Variants in CHN1 observed in about 807,000 individuals in gnomAD.
CHN1 encodes N-chimaerin.
In CHN1, 37 loss-of-function variants were observed where a neutral mutation model predicts 59.5. The observed-to-expected ratio is 0.62, with a 90% confidence interval of 0.48 to 0.82. The LOEUF (loss-of-function observed/expected upper bound fraction) is 0.82, where lower values mean the gene tolerates loss of function less well. Ranked by LOEUF, CHN1 falls within the 40% of genes least tolerant of loss-of-function variation. The pLI, the probability that CHN1 is intolerant of heterozygous loss-of-function variation, is 0.00. For synonymous variants in CHN1, 206 were observed against 200.4 expected, an observed-to-expected ratio of 1.03 and a Z score of -0.24; for missense variants, 469 against 571.0, an observed-to-expected ratio of 0.82 and a Z score of 1.82.
At chr2:174,891,967 G>C (rs1036907845) in intron 5 of CHN1, among the ~76,000 whole-genome samples, 1 of 152,134 alleles carries the variant, frequency 6.6e-6, no homozygotes, top group Non-Finnish European at 1.5e-5. Flanking sequence ...AAATTACTAT[G>C]AATAATTATA....
intron 5 of CHN1, among the ~76,000 whole-genome samples, chr2:174,896,000 C>G (rs1429183383): frequency 6.6e-6 from 1 of 152,032 alleles, no homozygotes; most frequent in Non-Finnish European, 1.5e-5. Flanking sequence ...TATACTGACT[C>G]TAAATCCACA....
intron 2 of CHN1, among the ~76,000 whole-genome samples, chr2:174,945,931 G>GTATATA (rs869242436): frequency 6.7e-6 from 1 of 149,104 alleles, no homozygotes; most frequent in African/African-American, 2.5e-5. Context: ...GTGTGTGTGT[G>GTATATA]TATATATATA....
chr2:174,800,013 C>T lies in CHN1; in HGVS notation c.*103G>A. ...CCTTCACTTTAATCTGGTTATATGC[C>T]CAAACCTCTAATCAAGAAATAATGC... On this transcript the variant is annotated 3_prime_UTR_variant, in exon 13 of 13. Coordinates refer to ENST00000409900, the MANE Select transcript of CHN1 (RefSeq NM_001822.7). 8.8e-7 allele frequency: 1 copy of T among 1,131,484 alleles called. No homozygotes were observed. 70.1% of individuals were successfully genotyped at this position (1,131,484 alleles called of 1,614,324 possible). A position where few individuals can be genotyped will look rare whatever the true frequency, so the allele number is the denominator to read the frequency against.
intron 7 of CHN1, among the ~76,000 whole-genome samples, chr2:174,830,584 T>C (rs973893282): frequency 7.2e-5 from 11 of 152,228 alleles, no homozygotes; most frequent in African/African-American, 2.4e-4. Flanking sequence ...CCTAGTCTTC[T>C]TGTCCTGATC....
chr2:174,970,715 C>T (rs376739697), intron 1 of CHN1, among the ~76,000 whole-genome samples: 5 of 152,106 alleles, frequency 3.3e-5, no homozygotes, highest in East Asian at 1.9e-4. Flanking sequence ...TCATAATGTA[C>T]GAGAGTAAAA....
chr2:174,895,213 TACACACACAC>T (rs374437666), intron 5 of CHN1, among the ~76,000 whole-genome samples: 6 of 142,470 alleles, frequency 4.2e-5, no homozygotes, highest in South Asian at 2.3e-4. Context: ...TATATATATA[TACACACACAC>T]ACACACACAC....
In CHN1 at chr2:174,869,759, G is replaced by A. The variant is rs111736243; in HGVS notation, c.549+8081C>T. ...ATAAATAAAAACAGAACTTTCTCAA[G>A]GGATGAGGACTACAGCTTTTTTCTC... On this transcript the variant is annotated intron_variant, in intron 6 of 12. Transcript: ENST00000409900. Among the ~76,000 whole-genome samples the A allele has an allele frequency of 3.6e-3, 547 of 152,262 alleles. 2 individuals are homozygous for A. Among genetic ancestry groups the A allele is most frequent in the African/African-American group, 0.012 (518 of 41,548 alleles).
In CHN1 at chr2:174,822,952, GTGATA is replaced by G. The variant is rs550894870; in HGVS notation, c.712+1477_712+1481del. ...CCTGTGGCAGGAAGGTCCTTGAATGGTGATATATGCCTGGAACCTTATTACATTTT... is the reference window on the plus strand; with the variant it reads ...CCTGTGGCAGGAAGGTCCTTGAATGGTATGCCTGGAACCTTATTACATTTT... On this transcript the variant is annotated intron_variant, in intron 8 of 12. Transcript: ENST00000409900. 1.2e-3 allele frequency among the ~76,000 whole-genome samples: 181 copies of G among 152,344 alleles called. 1 individual carries two copies. Among genetic ancestry groups the G allele is most frequent in the African/African-American group, 4.1e-3 (170 of 41,580 alleles).
chr2:174,908,197 A>G (rs1012081848), intron 5 of CHN1, among the ~76,000 whole-genome samples: 4 of 152,208 alleles, frequency 2.6e-5, no homozygotes, highest in African/African-American at 9.6e-5. Context: ...GGAGTTGCCA[A>G]ATTTGGAGTT....
At chr2:174,981,336 A>AT (rs1187559091) in intron 1 of CHN1, among the ~76,000 whole-genome samples, 1 of 152,234 alleles carries the variant, frequency 6.6e-6, no homozygotes, top group Non-Finnish European at 1.5e-5. Flanking sequence ...AGTTGTCAGC[A>AT]TTAAGGCCAC....
intron 4 of CHN1, 83 bp downstream of exon 4, chr2:174,918,451 T>C: frequency 9.7e-7 from 1 of 1,032,136 alleles, no homozygotes; most frequent in East Asian, 3.0e-5. Context: ...TACTTCATCT[T>C]GCTTTCATTT....
chr2:174,817,897 A>G lies in CHN1; in HGVS notation c.713-5415T>C, dbSNP rs184927110. The stretch of plus-strand genomic sequence containing the variant: ...CGTGATCCTCCCGCCTTGGCCTCCC[A>G]AAGTGCTGGGATTACAGGCATGAGC... On this transcript the variant is annotated intron_variant, in intron 8 of 12. Coordinates refer to ENST00000409900, the MANE Select transcript of CHN1 (RefSeq NM_001822.7). 5.3e-3 allele frequency among the ~76,000 whole-genome samples: 810 copies of G among 152,246 alleles called. 7 individuals carry two copies. Among genetic ancestry groups the G allele is most frequent in the African/African-American group, 0.019 (773 of 41,542 alleles).
At chr2:174,972,352 C>T (rs992756080) in intron 1 of CHN1, among the ~76,000 whole-genome samples, 2 of 152,282 alleles carry the variant, frequency 1.3e-5, no homozygotes, top group African/African-American at 4.8e-5. Flanking sequence ...ACAAGACAGG[C>T]ACTTACTGTC....
intron 6 of CHN1, 25 bp downstream of exon 6, chr2:174,877,815 A>C (rs111796375): frequency 4.4e-6 from 7 of 1,591,854 alleles, no homozygotes; most frequent in Middle Eastern, 3.4e-4. Context: ...AGAAAAAGAT[A>C]AAGTGTGGTT....
chr2:174,926,914 C>T (rs532784382), intron 3 of CHN1, among the ~76,000 whole-genome samples: 3 of 152,016 alleles, frequency 2.0e-5, no homozygotes, highest in Admixed American at 6.6e-5. Flanking sequence ...CCCGCCACCA[C>T]GCCCAGCTAA....
At chr2:174,929,134 GCTTGTTTTCC>G (rs1689257514) in intron 3 of CHN1, among the ~76,000 whole-genome samples, 1 of 152,194 alleles carries the variant, frequency 6.6e-6, no homozygotes, top group Non-Finnish European at 1.5e-5. Context: ...TAGAAATGCA[GCTTGTTTTCC>G]ATTGTTTTAC....
intron 7 of CHN1, among the ~76,000 whole-genome samples, chr2:174,840,137 C>CCAGTGT (rs1468093776): frequency 6.7e-6 from 1 of 149,020 alleles, no homozygotes; most frequent in Non-Finnish European, 1.5e-5. Context: ...AGGTATTTTG[C>CCAGTGT]CAGTGTTTAT....
At chr2:174,956,414 G>A (rs576097140) in intron 1 of CHN1, among the ~76,000 whole-genome samples, 1 of 152,270 alleles carries the variant, frequency 6.6e-6, no homozygotes, top group South Asian at 2.1e-4. Context: ...AAGAGCATCA[G>A]AGAAGGAATA....
intron 6 of CHN1, among the ~76,000 whole-genome samples, chr2:174,870,870 C>G (rs1687385305): frequency 6.6e-6 from 1 of 152,152 alleles, no homozygotes; most frequent in African/African-American, 2.4e-5. Context: ...TTAGTTGGCC[C>G]AGATACAGAA....
Sources: allele counts gnomAD v4.1 joint callset (sites outside exome capture counted in the v4.1 genomes callset), GRCh38; gene constraint gnomAD v4.1.1; transcripts MANE v1.5; gene names NCBI Gene and HGNC (gene_info 2026-07-23, HGNC 2026-07-21).